XPO6: variants seen among roughly 807,000 people sequenced by gnomAD.
The protein encoded by XPO6 is exportin-6.
A neutral mutation model predicts 130.0 loss-of-function variants in XPO6; 3 were observed. That is an observed-to-expected ratio of 0.02 (90% CI 0.01 to 0.06). The LOEUF is 0.06. XPO6 is among the 10% of genes least tolerant of loss of function. XPO6 has a pLI of 1.00. For synonymous variants in XPO6, 524 were observed against 548.9 expected (o/e 0.95, Z 0.63); for missense variants, 970 against 1,393.0 (o/e 0.70, Z 4.83).
intron 21 of XPO6, among the ~76,000 whole-genome samples, chr16:28,103,606 G>C (rs2086700667): frequency 6.6e-6 from 1 of 152,180 alleles, no homozygotes; most frequent in African/African-American, 2.4e-5. Context: ...CCTCAGTGGG[G>C]ACCAGGCACC....
At chr16:28,163,828 G>A (rs1307388244) in intron 6 of XPO6, among the ~76,000 whole-genome samples, 3 of 152,180 alleles carry the variant, frequency 2.0e-5, no homozygotes, top group Non-Finnish European at 2.9e-5. Flanking sequence ...GGAATTCTAG[G>A]GTTCTGGTAG....
chr16:28,181,047 G>T lies in XPO6; in HGVS notation c.4-16C>A. 1.3e-6 allele frequency: 2 copies of T among 1,590,110 alleles called. No individual in the cohort carries two copies. Among genetic ancestry groups the T allele is most frequent in the Non-Finnish European group, 8.6e-7 (1 of 1,166,676 alleles). On this transcript the variant is annotated splice_polypyrimidine_tract_variant and intron_variant, in intron 1 of 23. Transcript: ENST00000304658. ...CTTCAGATGCCTAACAAAGGAATTTGAAAAAAAATCAATAAGCTGCATCTT... is the reference window on the plus strand; with the variant it reads ...CTTCAGATGCCTAACAAAGGAATTTTAAAAAAAATCAATAAGCTGCATCTT...
rs1596770910 is a variant in XPO6, at chr16:28,102,041, C to G, written c.2947-96G>C. The G allele has an allele frequency of 7.8e-6, 8 of 1,025,362 alleles. No individual in the cohort carries two copies. The East Asian group carries it at 2.0e-4, about 26-fold the overall frequency. 63.5% of individuals were successfully genotyped at this position (1,025,362 alleles called of 1,614,324 possible). A position where few individuals can be genotyped will look rare whatever the true frequency, so the allele number is the denominator to read the frequency against. On this transcript the variant is annotated intron_variant, in intron 21 of 23. Transcript: ENST00000304658. Reference sequence around the variant, plus strand: ...AGAACAAGTGCCAGGGCCAGGGTACCCATTGTCTTGATGCTTCTGGCCCAC... The same window carrying G: ...AGAACAAGTGCCAGGGCCAGGGTACGCATTGTCTTGATGCTTCTGGCCCAC...
chr16:28,160,110 G>A (rs1193489436), intron 6 of XPO6, among the ~76,000 whole-genome samples: 8 of 148,348 alleles, frequency 5.4e-5, no homozygotes, highest in African/African-American at 1.7e-4. Flanking sequence ...GCTTGAACCC[G>A]GGAGGTGGAG....
chr16:28,202,730 A>G (rs2043972054), intron 1 of XPO6, among the ~76,000 whole-genome samples: 2 of 152,244 alleles, frequency 1.3e-5, no homozygotes, highest in Non-Finnish European at 2.9e-5. Context: ...AGAACACTGG[A>G]TATCTACAGC....
chr16:28,191,904 A>C (rs767217832), intron 1 of XPO6, among the ~76,000 whole-genome samples: 13 of 152,230 alleles, frequency 8.5e-5, no homozygotes, highest in Non-Finnish European at 1.5e-4. Flanking sequence ...ATTTAAGAGC[A>C]AGTCTCTTGT....
intron 4 of XPO6, 28 bp downstream of exon 4, chr16:28,175,870 G>A (rs751034570): frequency 1.3e-6 from 2 of 1,598,258 alleles, no homozygotes; most frequent in African/African-American, 2.7e-5. Flanking sequence ...CTATTCACAA[G>A]ATAAAGTTTC....
In XPO6 at chr16:28,211,508, C is replaced by G; in HGVS notation, c.-140G>C. ...AGACAACCCCTTCCCCACCGGGCCC[C>G]GAGGGGACCCTCTAAAAAGGGCAGG... On this transcript the variant is annotated 5_prime_UTR_variant, in exon 1 of 24. Transcript: ENST00000304658. 3 of 1,027,674 alleles carry G rather than the reference C, an allele frequency of 2.9e-6. No homozygotes were observed. Among genetic ancestry groups the G allele is most frequent in the Non-Finnish European group, 3.8e-6 (3 of 785,602 alleles). 63.7% of individuals were successfully genotyped at this position (1,027,674 alleles called of 1,614,324 possible).
At chr16:28,144,472 G>A (rs888266808) in intron 9 of XPO6, among the ~76,000 whole-genome samples, 7 of 152,210 alleles carry the variant, frequency 4.6e-5, no homozygotes, top group African/African-American at 1.2e-4. Flanking sequence ...CAGCCACAGC[G>A]TGATCACTGC....
At position 28,211,614 on chromosome 16, in the gene XPO6, C is replaced by T; in HGVS notation, c.-246G>A. The T allele has an allele frequency of 2.6e-6, 1 of 384,244 alleles. No homozygotes were observed. The highest frequency in any genetic ancestry group is 4.5e-6 in the Non-Finnish European group (1 of 224,202). 23.8% of individuals were successfully genotyped at this position (384,244 alleles called of 1,614,324 possible). On this transcript the variant is annotated 5_prime_UTR_variant, in exon 1 of 24. Coordinates refer to ENST00000304658, the MANE Select transcript of XPO6 (RefSeq NM_015171.4). ...CCCCTCCCCAAGGAAACTGAAAAAG[C>T]AGGAAATGAGGCTCGGATGCCGGCG...
rs1596940328 is a variant in XPO6 at position 28,178,706 on chromosome 16, G to A, written c.95-1374C>T. 3.3e-5 allele frequency among the ~76,000 whole-genome samples: 5 copies of A among 149,738 alleles called. No individual in the cohort carries two copies. The East Asian group carries it at 9.9e-4, about 30-fold the overall frequency. On this transcript the variant is annotated intron_variant, in intron 2 of 23. Coordinates refer to ENST00000304658, the MANE Select transcript of XPO6 (RefSeq NM_015171.4). ...CGAGGTTGCAATGAGCTATGATCAC[G>A]CCACTACACCCAGCCTGAGTGATAG... is the stretch of plus-strand genomic sequence containing the variant.
At chr16:28,190,223 A>T (rs74014257) in intron 1 of XPO6, among the ~76,000 whole-genome samples, 14 of 136,122 alleles carry the variant, frequency 1.0e-4, no homozygotes, top group South Asian at 2.4e-4. Context: ...TTCTTTCTTT[A>T]TTTTTTTTTT....
intron 23 of XPO6, among the ~76,000 whole-genome samples, chr16:28,100,698 A>C (rs570334184): frequency 6.6e-6 from 1 of 152,358 alleles, no homozygotes; most frequent in African/African-American, 2.4e-5. Context: ...CGGTACAAGG[A>C]AAAGTTCCCA....
intron 12 of XPO6, 35 bp from the exon 13 acceptor site, chr16:28,125,883 A>G (rs954446384): frequency 1.2e-6 from 2 of 1,602,296 alleles, no homozygotes; most frequent in East Asian, 2.2e-5. Context: ...TTTTCACAGG[A>G]AGACCACGCT....
Position 28,135,257 on chromosome 16 carries a change from C to T in XPO6, c.1402G>A (p.Ala468Thr). The T allele has an allele frequency of 6.2e-7, 1 of 1,614,044 alleles. No individual in the cohort carries two copies. Among genetic ancestry groups the T allele is most frequent in the Non-Finnish European group, 8.5e-7 (1 of 1,179,956 alleles). Residue 468 changes from alanine (A) to threonine (T), a missense_variant, in exon 10 of 24, where the codon GCC becomes ACC. Ala to Thr is a moderately conservative substitution (Grantham distance 58, BLOSUM62 0). Coordinates refer to ENST00000304658, the MANE Select transcript of XPO6 (RefSeq NM_015171.4). ...LNRIQFRYNQ[A>T]QLEELDDETL... ...TCATCATCCAACTCCTCCAGCTGGG[C>T]TTGGTTGTATCTGAACTGGATTCGA...
At position 28,106,182 on chromosome 16, in the gene XPO6, C is replaced by A; in HGVS notation, c.2645G>T (p.Gly882Val). The change falls in exon 20 of 24, where the codon GGC (glycine) becomes GTC (valine). Residue 882 changes from glycine to valine, a missense_variant. Around this residue, in one of 4 missense-constraint regions of XPO6, gnomAD observed 936 missense variants for 1,306.8 expected, o/e 0.72. Transcript: ENST00000304658. The surrounding 1 kb of genome is among the most constrained non-coding windows in gnomAD (Gnocchi z 4.2). The stretch of plus-strand genomic sequence containing the variant: ...CTCCACCACCCGGCAGCCTGTGCTG[C>A]CCTCGTGGAGGATGCTCTCGGCTAA... ...EQLAESILHE[G>V]STGCRVVEKF... is the part of the protein sequence containing the mutation. 3 of 1,614,162 alleles carry A rather than the reference C, an allele frequency of 1.9e-6. No individual in the cohort carries two copies. The highest frequency in any genetic ancestry group is 2.5e-6 in the Non-Finnish European group (3 of 1,180,036).
At chr16:28,125,933 A>T in intron 12 of XPO6, 85 bp from the exon 13 acceptor site, 1 of 1,513,082 alleles carries the variant, frequency 6.6e-7, no homozygotes, top group Non-Finnish European at 8.9e-7. Flanking sequence ...CAAGCCACAC[A>T]CAGCAAAACC....
chr16:28,147,661 G>A (rs143409351), intron 8 of XPO6, among the ~76,000 whole-genome samples: 10 of 152,204 alleles, frequency 6.6e-5, no homozygotes, highest in East Asian at 3.9e-4. Flanking sequence ...GAAATGATAC[G>A]GCAGCCAGAC....
At chr16:28,157,379 C>A (rs2141828219) in intron 6 of XPO6, among the ~76,000 whole-genome samples, 1 of 151,998 alleles carries the variant, frequency 6.6e-6, no homozygotes, top group Admixed American at 6.6e-5. Context: ...CGCTTGAACC[C>A]AGGAGGTGGA....
Sources: allele counts gnomAD v4.1 joint callset (sites outside exome capture counted in the v4.1 genomes callset), GRCh38; gene constraint gnomAD v4.1.1; regional missense constraint gnomAD v4.1.1; non-coding constraint Gnocchi (gnomAD v3.1); transcripts MANE v1.5; gene names NCBI Gene and HGNC (gene_info 2026-07-23, HGNC 2026-07-21).